The following EPC2 variants were observed in gnomAD, a reference collection of about 807,000 sequenced individuals.
EPC2 encodes the protein enhancer of polycomb 2.
In EPC2, 14 loss-of-function variants were observed where a neutral mutation model predicts 92.1. The observed-to-expected ratio is 0.15, with a 90% CI of 0.10 to 0.24. The LOEUF (loss-of-function observed/expected upper bound fraction) is 0.24, where lower values mean the gene tolerates loss of function less well. EPC2 is among the 10% of genes least tolerant of loss of function. The probability of loss-of-function intolerance (pLI) is 1.00; values close to 1 mark genes in which losing one functional copy is unlikely to be tolerated. For missense variants in EPC2, 755 were observed against 971.5 expected, an observed-to-expected ratio of 0.78 and a Z score of 2.96; for synonymous variants, 340 against 334.7, an observed-to-expected ratio of 1.02 and a Z score of -0.17.
At chr2:148,673,462 T>G (rs1025984696) in intron 1 of EPC2, among the ~76,000 whole-genome samples, 1 of 152,246 alleles carries the variant, frequency 6.6e-6, no homozygotes, top group Non-Finnish European at 1.5e-5. Context: ...ATAAGTCTGC[T>G]GTTGAACCTC....
intron 2 of EPC2, among the ~76,000 whole-genome samples, chr2:148,694,294 C>T (rs962975781): frequency 2.6e-5 from 4 of 152,170 alleles, no homozygotes; most frequent in Admixed American, 6.5e-5. Flanking sequence ...GAGTGGACTC[C>T]AATCTGTTAT....
chr2:148,761,485 A>G (rs1683300252), intron 4 of EPC2, among the ~76,000 whole-genome samples: 1 of 152,186 alleles, frequency 6.6e-6, no homozygotes, highest in Non-Finnish European at 1.5e-5. Context: ...TTTTCTGATA[A>G]CAGATTTTGT....
intron 1 of EPC2, among the ~76,000 whole-genome samples, chr2:148,683,936 A>G (rs1013872843): frequency 1.3e-5 from 2 of 152,234 alleles, no homozygotes; most frequent in African/African-American, 4.8e-5. Context: ...AGGAATCTCC[A>G]TACTGTTTTT....
At chr2:148,749,516 T>C (rs1290914757) in intron 3 of EPC2, among the ~76,000 whole-genome samples, 2 of 152,088 alleles carry the variant, frequency 1.3e-5, no homozygotes, top group African/African-American at 4.8e-5. Context: ...TTTAATTGTT[T>C]ACTTGATACT....
At chr2:148,673,178 G>A (rs1681191536) in intron 1 of EPC2, among the ~76,000 whole-genome samples, 2 of 151,998 alleles carry the variant, frequency 1.3e-5, no homozygotes, top group Non-Finnish European at 1.5e-5. Context: ...GTGTGTTGTT[G>A]GGCTATTCTA....
At chr2:148,648,848 G>C (rs1263962300) in intron 1 of EPC2, among the ~76,000 whole-genome samples, 1 of 152,318 alleles carries the variant, frequency 6.6e-6, no homozygotes, top group East Asian at 1.9e-4. Context: ...ATGTCATCCT[G>C]TGTAGCCTCT....
intron 2 of EPC2, among the ~76,000 whole-genome samples, chr2:148,734,661 A>G (rs1682715158): frequency 6.6e-6 from 1 of 152,126 alleles, no homozygotes; most frequent in Non-Finnish European, 1.5e-5. Flanking sequence ...TTTAATTTCT[A>G]CAAGAATCTT....
chr2:148,667,375 C>G (rs1681075952), intron 1 of EPC2, among the ~76,000 whole-genome samples: 1 of 152,154 alleles, frequency 6.6e-6, no homozygotes, highest in Non-Finnish European at 1.5e-5. Context: ...GAAATGGGAT[C>G]TTTACAGAGA....
intron 2 of EPC2, among the ~76,000 whole-genome samples, chr2:148,710,564 G>A (rs1433427349): frequency 6.6e-6 from 1 of 152,194 alleles, no homozygotes; most frequent in Non-Finnish European, 1.5e-5. Flanking sequence ...GTTTATTGTG[G>A]CACTTTTCAC....
intron 3 of EPC2, 104 bp downstream of exon 3, chr2:148,743,871 C>G: frequency 1.7e-5 from 15 of 890,256 alleles, no homozygotes; most frequent in East Asian, 3.0e-5. Flanking sequence ...ATTTCTTTTC[C>G]TGACATCCTG....
intron 1 of EPC2, among the ~76,000 whole-genome samples, chr2:148,648,530 A>G (rs979748262): frequency 3.3e-5 from 5 of 152,158 alleles, no homozygotes; most frequent in African/African-American, 1.2e-4. Context: ...TAACAAACAA[A>G]CCAACCTTGG....
At position 148,713,145 on chromosome 2, in the gene EPC2, T is replaced by C. The variant is rs61042257; in HGVS notation, c.313+22772T>C. Among the ~76,000 whole-genome samples, 1,481 of 152,322 alleles carry C rather than the reference T, an allele frequency of 9.7e-3. 23 individuals are homozygous for C. Among genetic ancestry groups the C allele is most frequent in the African/African-American group, 0.033 (1,389 of 41,560 alleles). ...TGTTAGAATGTATTTCCTCTACTTA[T>C]CAAAAATTGTAAAACAGCCTTAGGC... On this transcript the variant is annotated intron_variant, in intron 2 of 13. Coordinates refer to ENST00000258484, the MANE Select transcript of EPC2 (RefSeq NM_015630.4).
intron 2 of EPC2, among the ~76,000 whole-genome samples, chr2:148,739,541 A>G (rs1276064605): frequency 2.0e-5 from 3 of 152,170 alleles, no homozygotes; most frequent in Admixed American, 6.5e-5. Flanking sequence ...TGCTTTACCA[A>G]CTAATTTTAG....
intron 1 of EPC2, among the ~76,000 whole-genome samples, chr2:148,685,317 ATATTTCCCTTTGT>A (rs1681492855): frequency 6.6e-6 from 1 of 152,058 alleles, no homozygotes; most frequent in African/African-American, 2.4e-5. Context: ...CAGCTGAAAG[ATATTTCCCTTTGT>A]TTTCTTCTGT....
In EPC2 at chr2:148,696,842, T is replaced by A. The variant is rs572604124; in HGVS notation, c.313+6469T>A. On this transcript the variant is annotated intron_variant, in intron 2 of 13. Transcript: ENST00000258484. ...CCTACCTTAAGAGACTAAAGGAAATTTGCCTTCTCATCTTACTCAGTAACA... is the reference window on the plus strand; with the variant it reads ...CCTACCTTAAGAGACTAAAGGAAATATGCCTTCTCATCTTACTCAGTAACA... Among the ~76,000 whole-genome samples the A allele has an allele frequency of 1.1e-3, 172 of 152,314 alleles. 1 individual carries two copies. Among genetic ancestry groups the A allele is most frequent in the African/African-American group, 4.0e-3 (167 of 41,584 alleles).
Position 148,705,810 on chromosome 2 carries a change from C to T in EPC2, c.313+15437C>T, listed in dbSNP as rs550550065. ...CAAAAAGGAACAGCATCAACATCAA[C>T]CAAAAGGACATCCACACCAAAACCT... On this transcript the variant is annotated intron_variant, in intron 2 of 13. Coordinates refer to ENST00000258484, the MANE Select transcript of EPC2 (RefSeq NM_015630.4). 4.6e-5 allele frequency among the ~76,000 whole-genome samples: 7 copies of T among 152,216 alleles called. 1 individual carries two copies. The South Asian group carries it at 1.4e-3, about 32-fold the overall frequency.
chr2:148,776,195 A>G lies in EPC2; in HGVS notation c.1720+4808A>G, dbSNP rs115082924. 7.2e-3 allele frequency among the ~76,000 whole-genome samples: 1,092 copies of G among 152,294 alleles called. 6 individuals are homozygous for G. Among genetic ancestry groups the G allele is most frequent in the African/African-American group, 0.025 (1,026 of 41,554 alleles). On this transcript the variant is annotated intron_variant, in intron 10 of 13. Coordinates refer to ENST00000258484, the MANE Select transcript of EPC2 (RefSeq NM_015630.4). ...TCTTAAATTGTCATAAATGTTTGCA[A>G]CTATGATAGTTTTAGGATTGATATA...
chr2:148,771,496 C>A (rs1478149611), intron 10 of EPC2, 109 bp downstream of exon 10: 1 of 1,024,502 alleles, frequency 9.8e-7, no homozygotes, highest in Non-Finnish European at 1.4e-6. Context: ...ACCTAAGAAA[C>A]AAAATTGTTC....
intron 2 of EPC2, among the ~76,000 whole-genome samples, chr2:148,741,772 TTATACA>T (rs1222476481): frequency 1.3e-5 from 2 of 152,174 alleles, no homozygotes; most frequent in Non-Finnish European, 2.9e-5. Context: ...GTTTAATAAC[TTATACA>T]TGTACATGCT....
Sources: allele counts gnomAD v4.1 joint callset (sites outside exome capture counted in the v4.1 genomes callset), GRCh38; gene constraint gnomAD v4.1.1; transcripts MANE v1.5; gene names NCBI Gene and HGNC (gene_info 2026-07-23, HGNC 2026-07-21).